PPP4R2: variants seen among roughly 807,000 people sequenced by gnomAD.
PPP4R2 encodes the protein serine/threonine-protein phosphatase 4 regulatory subunit 2.
A neutral mutation model predicts 47.2 loss-of-function variants in PPP4R2; 13 were observed. The observed-to-expected ratio is 0.28, with a 90% CI of 0.18 to 0.44. The LOEUF is 0.44. PPP4R2 is among the 20% of genes least tolerant of loss of function. The probability of loss-of-function intolerance (pLI) is 1.00; values close to 1 mark genes in which losing one functional copy is unlikely to be tolerated. For missense variants in PPP4R2, 421 were observed against 491.2 expected (o/e 0.86, Z 1.35); for synonymous variants, 151 against 163.3 (o/e 0.92, Z 0.57).
At chr3:73,046,180 CT>C (rs1424762427) in intron 2 of PPP4R2, among the ~76,000 whole-genome samples, 2 of 152,160 alleles carry the variant, frequency 1.3e-5, no homozygotes, top group Non-Finnish European at 2.9e-5. Flanking sequence ...ATCCACCTTG[CT>C]TTTATACCAT....
intron 3 of PPP4R2, among the ~76,000 whole-genome samples, chr3:73,051,525 AGTTTGT>A (rs1397610127): frequency 6.6e-6 from 1 of 151,962 alleles, no homozygotes; most frequent in Non-Finnish European, 1.5e-5. Flanking sequence ...TTTTGCTTTT[AGTTTGT>A]AAAAGTTTTA....
chr3:73,033,862 T>C (rs1373699941), intron 2 of PPP4R2, among the ~76,000 whole-genome samples: 1 of 152,236 alleles, frequency 6.6e-6, no homozygotes, highest in East Asian at 1.9e-4. Context: ...TGAATAACAC[T>C]GCCGTGAATG....
chr3:72,997,365 C>A (rs1701371163), intron 1 of PPP4R2: 1 of 322,292 alleles, frequency 3.1e-6, no homozygotes, highest in Non-Finnish European at 5.7e-6. Flanking sequence ...GTGGCGGACC[C>A]GCAGACCCCT....
chr3:73,062,349 G>T lies in PPP4R2; in HGVS notation c.419+1289G>T, dbSNP rs189439924. ...GAAAAACAGACAGTATCCACTGGAT[G>T]CATTGGAACCCCAACCCAGCATTGG... On this transcript the variant is annotated intron_variant, in intron 5 of 8. Coordinates refer to ENST00000356692, the MANE Select transcript of PPP4R2 (RefSeq NM_174907.4). 3.7e-4 allele frequency: 602 copies of T among 1,607,180 alleles called. 9 individuals are homozygous for T. In the East Asian group the frequency reaches 0.013, roughly 35 times the overall value.
intron 2 of PPP4R2, among the ~76,000 whole-genome samples, chr3:73,038,926 C>T (rs747258908): frequency 1.7e-4 from 26 of 152,178 alleles, no homozygotes; most frequent in African/African-American, 3.9e-4. Context: ...CCATTTAGCA[C>T]TCTAATTTGA....
At chr3:73,000,626 T>TCAGATGTAAA (rs1404945266) in intron 2 of PPP4R2, among the ~76,000 whole-genome samples, 2 of 152,126 alleles carry the variant, frequency 1.3e-5, no homozygotes, top group Non-Finnish European at 2.9e-5. Flanking sequence ...CCTGTAAACA[T>TCAGATGTAAA]CTGATGTAGG....
At chr3:73,036,028 C>T (rs1702254895) in intron 2 of PPP4R2, among the ~76,000 whole-genome samples, 1 of 152,152 alleles carries the variant, frequency 6.6e-6, no homozygotes, top group South Asian at 2.1e-4. Flanking sequence ...TATATATACG[C>T]ACACACACAG....
intron 2 of PPP4R2, among the ~76,000 whole-genome samples, chr3:73,041,017 A>ATTT (rs56891836): frequency 0.53 from 79,989 of 151,748 alleles, 21,428 homozygotes; most frequent in African/African-American, 0.62. Flanking sequence ...TTATGGATAC[A>ATTT]TACTTCTATG....
At chr3:73,031,349 G>T (rs928866093) in intron 2 of PPP4R2, among the ~76,000 whole-genome samples, 1 of 152,058 alleles carries the variant, frequency 6.6e-6, no homozygotes, top group African/African-American at 2.4e-5. Context: ...AGACCAGCCT[G>T]GCCAACATGG....
chr3:73,051,784 C>A (rs1038204993), intron 3 of PPP4R2, among the ~76,000 whole-genome samples: 1 of 152,140 alleles, frequency 6.6e-6, no homozygotes, highest in Non-Finnish European at 1.5e-5. Context: ...CGCCACCACG[C>A]CCGGCTAATT....
At position 73,014,117 on chromosome 3, in the gene PPP4R2, G is replaced by T. The variant is rs1220558398; in HGVS notation, c.116+15959G>T. Among the ~76,000 whole-genome samples, 2 of 129,596 alleles carry T rather than the reference G, an allele frequency of 1.5e-5. 1 individual carries two copies. The highest frequency in any genetic ancestry group is 3.6e-5 in the Non-Finnish European group (2 of 55,934). The allele number at this position is 129,596 out of a possible 152,430, so 85.0% of individuals were successfully genotyped here. On this transcript the variant is annotated intron_variant, in intron 2 of 8. Transcript: ENST00000356692. ...CTTAAGTTAATATACTGGCACAGAT[G>T]TAAGAGTGGGATTTATGGGTTCATG...
intron 2 of PPP4R2, among the ~76,000 whole-genome samples, chr3:73,032,297 T>TTC (rs1038751911): frequency 4.6e-5 from 7 of 151,998 alleles, no homozygotes; most frequent in Non-Finnish European, 1.0e-4. Context: ...TTCTTTTTTT[T>TTC]TTTTTGAGAC....
rs191698687 is a variant in PPP4R2 at position 73,032,826 on chromosome 3, T to C, written c.117-14360T>C. ...GCATTCAATATATACGTTGTCTCTG[T>C]TAATGCTATTTTTTTCATTTAATTT... On this transcript the variant is annotated intron_variant, in intron 2 of 8. Transcript: ENST00000356692. Among the ~76,000 whole-genome samples, 367 of 152,340 alleles carry C rather than the reference T, an allele frequency of 2.4e-3. 1 individual carries two copies. The highest frequency in any genetic ancestry group is 7.5e-3 in the African/African-American group (311 of 41,584).
At chr3:73,030,164 T>C (rs1702141267) in intron 2 of PPP4R2, among the ~76,000 whole-genome samples, 1 of 152,194 alleles carries the variant, frequency 6.6e-6, no homozygotes, top group African/African-American at 2.4e-5. Context: ...AATGATCCAT[T>C]ATTAGCAAAT....
At chr3:73,045,778 G>C (rs1490628598) in intron 2 of PPP4R2, among the ~76,000 whole-genome samples, 11 of 152,008 alleles carry the variant, frequency 7.2e-5, no homozygotes, top group Non-Finnish European at 1.6e-4. Context: ...CCGCCTGCTG[G>C]GTTTACAGGT....
At chr3:73,059,217 G>C (rs1412002449) in intron 4 of PPP4R2, 87 bp downstream of exon 4, 1 of 636,866 alleles carries the variant, frequency 1.6e-6, no homozygotes, top group South Asian at 2.4e-5. Flanking sequence ...TCTGTTTCGG[G>C]TACCACTTCT....
chr3:73,013,503 CT>C (rs1701765831), intron 2 of PPP4R2, among the ~76,000 whole-genome samples: 1 of 152,184 alleles, frequency 6.6e-6, no homozygotes. Flanking sequence ...AAAAATCAAA[CT>C]ATACTGTTAC....
chr3:73,051,075 C>T (rs1016274779), intron 3 of PPP4R2, among the ~76,000 whole-genome samples: 2 of 152,108 alleles, frequency 1.3e-5, no homozygotes, highest in African/African-American at 2.4e-5. Flanking sequence ...CCACCACACC[C>T]GGCTAATTTT....
At chr3:72,999,614 A>G (rs1336604490) in intron 2 of PPP4R2, among the ~76,000 whole-genome samples, 1 of 152,230 alleles carries the variant, frequency 6.6e-6, no homozygotes, top group Non-Finnish European at 1.5e-5. Context: ...CATTGCCTAT[A>G]AATGTATAAA....
Sources: gnomAD v4.1 joint callset for allele counts (sites outside exome capture counted in the v4.1 genomes callset) on GRCh38, gnomAD v4.1.1 for gene constraint, MANE v1.5 for transcripts, NCBI Gene and HGNC (gene_info 2026-07-23, HGNC 2026-07-21) for gene names.